The following MAPK10 variants were observed in gnomAD, a reference collection of about 807,000 sequenced individuals.
MAPK10 encodes JNK3 alpha protein kinase.
Under a neutral mutation model 59.3 loss-of-function variants are expected in MAPK10, and 25 were observed. The ratio of observed to expected loss-of-function variants is 0.42; its 90% CI spans 0.31 to 0.59. The LOEUF (loss-of-function observed/expected upper bound fraction) is 0.59, where lower values mean the gene tolerates loss of function less well. Among genes scored for constraint, MAPK10 ranks in the 20% least tolerant of loss-of-function variants. The pLI is 0.15. For synonymous variants in MAPK10, 190 were observed against 200.5 expected (o/e 0.95, Z 0.44); for missense variants, 351 against 568.9 (o/e 0.62, Z 3.90).
At chr4:86,537,062 T>C (rs754387410) in intron 1 of MAPK10, among the ~76,000 whole-genome samples, 13 of 152,062 alleles carry the variant, frequency 8.5e-5, no homozygotes, top group Admixed American at 3.9e-4. Context: ...CTGACTCAGG[T>C]TGTCGGAACC....
chr4:86,324,186 C>T (rs778398638), intron 2 of MAPK10, among the ~76,000 whole-genome samples: 7 of 152,124 alleles, frequency 4.6e-5, no homozygotes, highest in Non-Finnish European at 1.0e-4. Context: ...GCAGGCAGAT[C>T]ACCTGCAGTC....
chr4:86,392,529 TC>T (rs994172730), intron 1 of MAPK10: 1 of 151,818 alleles, frequency 6.6e-6, no homozygotes. Flanking sequence ...ACATAAGCCA[TC>T]ACAGTACTTT....
intron 4 of MAPK10, among the ~76,000 whole-genome samples, chr4:86,131,381 G>A (rs1025318198): frequency 1.3e-5 from 2 of 152,126 alleles, no homozygotes; most frequent in Admixed American, 1.3e-4. Flanking sequence ...ATGTGGGATT[G>A]AACTTGAGGA....
intron 1 of MAPK10, among the ~76,000 whole-genome samples, chr4:86,506,246 A>C (rs183928929): frequency 1.3e-5 from 2 of 152,280 alleles, no homozygotes; most frequent in Admixed American, 6.5e-5. Context: ...CTGTCCTCTG[A>C]ATAGGACCAT....
chr4:86,238,126 G>T (rs2092420190), intron 2 of MAPK10, among the ~76,000 whole-genome samples: 1 of 152,106 alleles, frequency 6.6e-6, no homozygotes, highest in Non-Finnish European at 1.5e-5. Flanking sequence ...GCTTGTTTTT[G>T]TCAGGTTTGT....
rs1016193145 is a variant in MAPK10, at chr4:86,187,649, G to C, written c.66+6687C>G. 3.3e-5 allele frequency among the ~76,000 whole-genome samples: 5 copies of C among 152,074 alleles called. No individual in the cohort carries two copies. The East Asian group carries it at 7.7e-4, about 23-fold the overall frequency. On this transcript the variant is annotated intron_variant, in intron 3 of 13. Coordinates refer to ENST00000641462, the MANE Select transcript of MAPK10 (RefSeq NM_138982.4). ...TGAAAAGAAATACTAAAATCTTTAA[G>C]TGTAAATATAATCAAAGAAGAAATC...
At chr4:86,118,088 T>A (rs1289010794) in intron 4 of MAPK10, 1 of 152,218 alleles carries the variant, frequency 6.6e-6, no homozygotes, top group African/African-American at 2.4e-5. Context: ...TAATCTCTGC[T>A]GCTTAAAATG....
At chr4:86,347,758 G>A (rs1729048765) in intron 2 of MAPK10, among the ~76,000 whole-genome samples, 1 of 151,992 alleles carries the variant, frequency 6.6e-6, no homozygotes, top group African/African-American at 2.4e-5. Context: ...GCTCTCTGGG[G>A]TCTCTTTCAT....
In MAPK10 at chr4:86,310,880, T is replaced by G. The variant is rs575114662; in HGVS notation, c.-7+43650A>C. 3.3e-5 allele frequency among the ~76,000 whole-genome samples: 5 copies of G among 152,230 alleles called. No homozygotes were observed. The South Asian group carries it at 1.0e-3, about 32-fold the overall frequency. On this transcript the variant is annotated intron_variant, in intron 2 of 13. Transcript: ENST00000641462. ...CAATTTTAATTATTTACTCCACATC[T>G]CCTACTGTGGCACAGGTCAGAACAT...
chr4:86,435,777 A>AT (rs1324326919), intron 1 of MAPK10, among the ~76,000 whole-genome samples: 8 of 152,172 alleles, frequency 5.3e-5, no homozygotes, highest in African/African-American at 1.9e-4. Flanking sequence ...TGCAGTTTTG[A>AT]TAATTATAGG....
chr4:86,256,722 TTTTC>T (rs201039112), intron 2 of MAPK10, among the ~76,000 whole-genome samples: 4 of 133,226 alleles, frequency 3.0e-5, no homozygotes, highest in Non-Finnish European at 4.6e-5. Flanking sequence ...CATTTTTTTC[TTTTC>T]TTTCTTTCTT....
intron 1 of MAPK10, among the ~76,000 whole-genome samples, chr4:86,510,651 A>G (rs1756158191): frequency 6.6e-6 from 1 of 152,308 alleles, no homozygotes; most frequent in South Asian, 2.1e-4. Flanking sequence ...ATATACATGA[A>G]TGAAAGAAAA....
chr4:86,234,243 A>T (rs1480714554), intron 2 of MAPK10, among the ~76,000 whole-genome samples: 5 of 152,170 alleles, frequency 3.3e-5, no homozygotes, highest in Non-Finnish European at 5.9e-5. Context: ...AGACAAAAAA[A>T]AATTAATGTA....
At chr4:86,284,246 G>A (rs1000934860) in intron 2 of MAPK10, among the ~76,000 whole-genome samples, 4 of 152,152 alleles carry the variant, frequency 2.6e-5, no homozygotes, top group African/African-American at 9.7e-5. Context: ...AAAGAGTTAA[G>A]TAATTTGCCC....
chr4:86,221,707 T>C (rs1473689378), intron 2 of MAPK10, among the ~76,000 whole-genome samples: 1 of 152,160 alleles, frequency 6.6e-6, no homozygotes, highest in Non-Finnish European at 1.5e-5. Flanking sequence ...TTTGCCATGT[T>C]TCCCAGGCTG....
intron 11 of MAPK10, among the ~76,000 whole-genome samples, chr4:86,042,700 A>C (rs1184418494): frequency 6.6e-6 from 1 of 152,156 alleles, no homozygotes; most frequent in African/African-American, 2.4e-5. Context: ...TGGTAGAGAC[A>C]AAAAAGATAC....
chr4:86,092,923 TAACA>T (rs759547907), intron 9 of MAPK10, among the ~76,000 whole-genome samples: 1 of 152,058 alleles, frequency 6.6e-6, no homozygotes, highest in Non-Finnish European at 1.5e-5. Context: ...CTTGCAACTG[TAACA>T]ATCAGATGCT....
chr4:86,206,142 C>G (rs972631926), intron 2 of MAPK10, among the ~76,000 whole-genome samples: 1 of 151,568 alleles, frequency 6.6e-6, no homozygotes, highest in African/African-American at 2.4e-5. Context: ...TGTGCTGCAC[C>G]CATTAACTCG....
intron 4 of MAPK10, among the ~76,000 whole-genome samples, chr4:86,133,982 C>T (rs1266062973): frequency 6.6e-6 from 1 of 152,170 alleles, no homozygotes; most frequent in African/African-American, 2.4e-5. Flanking sequence ...ATGTAAAGTA[C>T]AATATTCCTA....
Sources: allele counts gnomAD v4.1 joint callset (sites outside exome capture counted in the v4.1 genomes callset), GRCh38; gene constraint gnomAD v4.1.1; transcripts MANE v1.5; gene names NCBI Gene and HGNC (gene_info 2026-07-23, HGNC 2026-07-21).